The following CDK14 variants were observed in gnomAD, a reference collection of about 807,000 sequenced individuals.
The protein encoded by CDK14 is cyclin-dependent kinase 14.
Under a neutral mutation model 60.7 loss-of-function variants are expected in CDK14, and 34 were observed. That is an observed-to-expected ratio of 0.56 (90% CI 0.43 to 0.75). The LOEUF is 0.75. CDK14 is among the 30% of genes least tolerant of loss of function. The probability of loss-of-function intolerance (pLI) is 0.00; values close to 1 mark genes in which losing one functional copy is unlikely to be tolerated. For missense variants in CDK14, 482 were observed against 564.1 expected (o/e 0.85, Z 1.47); for synonymous variants, 197 against 203.7 (o/e 0.97, Z 0.28).
chr7:91,157,842 C>T (rs1801029655), intron 14 of CDK14, among the ~76,000 whole-genome samples: 1 of 152,082 alleles, frequency 6.6e-6, no homozygotes, highest in Non-Finnish European at 1.5e-5. Context: ...AATGAATAAG[C>T]AGTATGTGGT....
chr7:90,608,990 A>G (rs774104815), intron 2 of CDK14, among the ~76,000 whole-genome samples: 3 of 152,170 alleles, frequency 2.0e-5, no homozygotes, highest in Non-Finnish European at 2.9e-5. Flanking sequence ...GTTATTTTAT[A>G]TAAAGATATA....
At chr7:90,784,904 T>A (rs772143306) in intron 4 of CDK14, among the ~76,000 whole-genome samples, 2 of 152,192 alleles carry the variant, frequency 1.3e-5, no homozygotes, top group Non-Finnish European at 2.9e-5. Context: ...AATTAATAAA[T>A]GAAACACTAT....
rs368890987 is a variant in CDK14 at position 90,955,694 on chromosome 7, C to T, written c.827-3C>T. On this transcript the variant is annotated splice_polypyrimidine_tract_variant and splice_region_variant and intron_variant, in intron 8 of 14. Transcript: ENST00000380050. ...ACTTCTTTATGTTTCATATAACCCA[C>T]AGGTCTTGCAAGAGCAAAATCCGTC... 1.2e-6 allele frequency: 2 copies of T among 1,612,870 alleles called. No homozygotes were observed. The highest frequency in any genetic ancestry group is 1.7e-6 in the Non-Finnish European group (2 of 1,179,158).
intron 7 of CDK14, among the ~76,000 whole-genome samples, chr7:90,902,407 C>T (rs1198029848): frequency 2.0e-5 from 3 of 152,064 alleles, no homozygotes; most frequent in Admixed American, 1.3e-4. Context: ...ACCTATGTGT[C>T]TGAACAGAAA....
intron 12 of CDK14, among the ~76,000 whole-genome samples, chr7:91,084,560 G>T (rs1017708656): frequency 1.3e-5 from 2 of 152,218 alleles, no homozygotes; most frequent in African/African-American, 4.8e-5. Flanking sequence ...CCCCCAAGAG[G>T]TTAAGCCCTG....
At chr7:90,701,141 A>G (rs1801777603) in intron 2 of CDK14, among the ~76,000 whole-genome samples, 1 of 152,184 alleles carries the variant, frequency 6.6e-6, no homozygotes, top group Admixed American at 6.5e-5. Flanking sequence ...TTTAAAGGTC[A>G]GGATCGGTGC....
chr7:90,739,750 A>G (rs1803268757), intron 3 of CDK14, among the ~76,000 whole-genome samples: 1 of 152,242 alleles, frequency 6.6e-6, no homozygotes, highest in Admixed American at 6.5e-5. Context: ...GCAAACACAC[A>G]GACCTCTCAT....
intron 14 of CDK14, among the ~76,000 whole-genome samples, chr7:91,129,673 C>A (rs1800060505): frequency 6.6e-6 from 1 of 152,048 alleles, no homozygotes; most frequent in African/African-American, 2.4e-5. Context: ...GAGTTCATCA[C>A]CAAAGCAAAA....
chr7:91,007,600 C>A (rs1318744712), intron 10 of CDK14, among the ~76,000 whole-genome samples: 2 of 152,186 alleles, frequency 1.3e-5, no homozygotes, highest in Admixed American at 1.3e-4. Flanking sequence ...ACCCCAGCTA[C>A]AAATCCACCC....
intron 4 of CDK14, among the ~76,000 whole-genome samples, chr7:90,761,319 GCA>G (rs1275419472): frequency 2.7e-5 from 4 of 146,622 alleles, no homozygotes; most frequent in African/African-American, 1.0e-4. Flanking sequence ...GGAAATGGAG[GCA>G]CTCTTTGGGG....
chr7:90,779,726 C>T (rs1312934298), intron 4 of CDK14, among the ~76,000 whole-genome samples: 2 of 152,218 alleles, frequency 1.3e-5, no homozygotes, highest in East Asian at 1.9e-4. Flanking sequence ...TGAAAGAAAA[C>T]CCCGGACCTT....
intron 2 of CDK14, among the ~76,000 whole-genome samples, chr7:90,638,814 G>T (rs1458138556): frequency 6.6e-6 from 1 of 151,762 alleles, no homozygotes; most frequent in Non-Finnish European, 1.5e-5. Flanking sequence ...ATATTTCTTG[G>T]AGGCTTTGTT....
chr7:90,932,273 C>G (rs1003699881), intron 8 of CDK14, among the ~76,000 whole-genome samples: 13 of 152,102 alleles, frequency 8.5e-5, no homozygotes, highest in African/African-American at 3.1e-4. Context: ...GGGAGGCTGA[C>G]ACGGGCAGAT....
chr7:90,949,955 A>C (rs1309949396), intron 8 of CDK14, among the ~76,000 whole-genome samples: 1 of 152,260 alleles, frequency 6.6e-6, no homozygotes, highest in Non-Finnish European at 1.5e-5. Context: ...TAAGTCAAAT[A>C]AGAGGGAGGG....
At chr7:91,113,171 A>G (rs1799517747) in intron 13 of CDK14, among the ~76,000 whole-genome samples, 1 of 152,230 alleles carries the variant, frequency 6.6e-6, no homozygotes, top group Non-Finnish European at 1.5e-5. Flanking sequence ...CTCAGAGACC[A>G]TCTTGGTTGT....
chr7:91,012,220 A>T (rs996265812), intron 10 of CDK14, among the ~76,000 whole-genome samples: 1 of 152,158 alleles, frequency 6.6e-6, no homozygotes, highest in Non-Finnish European at 1.5e-5. Context: ...CCTGTAAACA[A>T]TGCCTGTGAA....
intron 12 of CDK14, among the ~76,000 whole-genome samples, chr7:91,108,739 C>T (rs766480625): frequency 1.2e-3 from 183 of 152,282 alleles, no homozygotes; most frequent in Non-Finnish European, 1.9e-3. Flanking sequence ...AATCTCATTT[C>T]GTGCTATTAT....
intron 2 of CDK14, among the ~76,000 whole-genome samples, chr7:90,640,033 TTGACCA>T (rs1800281874): frequency 6.6e-6 from 1 of 152,048 alleles, no homozygotes; most frequent in African/African-American, 2.4e-5. Flanking sequence ...ACCCCTTTCC[TTGACCA>T]GGAAAGGGAA....
intron 8 of CDK14, among the ~76,000 whole-genome samples, chr7:90,923,541 A>G (rs1451870770): frequency 6.6e-6 from 1 of 152,236 alleles, no homozygotes; most frequent in Non-Finnish European, 1.5e-5. Context: ...ACCATAAGCC[A>G]GATTGAAGCA....
Sources: allele counts gnomAD v4.1 joint callset (sites outside exome capture counted in the v4.1 genomes callset), GRCh38; gene constraint gnomAD v4.1.1; transcripts MANE v1.5; gene names NCBI Gene and HGNC (gene_info 2026-07-23, HGNC 2026-07-21).